The following SRR variants were observed in gnomAD, a reference collection of about 807,000 sequenced individuals.
The protein encoded by SRR is D-serine ammonia-lyase.
In SRR, 19 loss-of-function variants were observed where a neutral mutation model predicts 32.7. The ratio of observed to expected loss-of-function variants is 0.58; its 90% CI spans 0.40 to 0.85. The LOEUF (loss-of-function observed/expected upper bound fraction) is 0.85. Among genes scored for constraint, SRR ranks in the 40% least tolerant of loss-of-function variants. The pLI is 0.00. For missense variants in SRR, 373 were observed against 404.7 expected (o/e 0.92, Z 0.67); for synonymous variants, 142 against 140.9 (o/e 1.01, Z -0.06).
chr17:2,312,475 G>T (rs892088974), intron 1 of SRR, among the ~76,000 whole-genome samples: 2 of 152,040 alleles, frequency 1.3e-5, no homozygotes, highest in African/African-American at 4.8e-5. Context: ...CACACCGGTA[G>T]TCCCAGCTAC....
At chr17:2,312,563 C>T (rs1597261132) in intron 1 of SRR, among the ~76,000 whole-genome samples, 1 of 152,268 alleles carries the variant, frequency 6.6e-6, no homozygotes, top group East Asian at 1.9e-4. Context: ...CCACTGCACT[C>T]CAGCCTGGGC....
At chr17:2,316,015 A>G (rs2075469913) in intron 2 of SRR, among the ~76,000 whole-genome samples, 1 of 152,108 alleles carries the variant, frequency 6.6e-6, no homozygotes, top group Admixed American at 6.6e-5. Flanking sequence ...ATATACATAA[A>G]ATACAGTCAT....
intron 1 of SRR, among the ~76,000 whole-genome samples, chr17:2,308,270 A>G (rs1302061777): frequency 2.6e-5 from 4 of 152,212 alleles, no homozygotes; most frequent in Non-Finnish European, 5.9e-5. Context: ...CAACAAATAT[A>G]GAAGACAATT....
At chr17:2,304,845 T>C (rs948447971) in intron 1 of SRR, among the ~76,000 whole-genome samples, 1 of 152,186 alleles carries the variant, frequency 6.6e-6, no homozygotes, top group South Asian at 2.1e-4. Context: ...CAGGTTGACT[T>C]TTTAATTTCC....
At chr17:2,323,421 G>T (rs1032566917) in intron 7 of SRR, 76 bp downstream of exon 7, 72 of 1,546,146 alleles carry the variant, frequency 4.7e-5, no homozygotes, top group Non-Finnish European at 6.3e-5. Context: ...CTTAGGAGTA[G>T]CAAGTGACCC....
At chr17:2,309,077 C>G (rs1290400079) in intron 1 of SRR, among the ~76,000 whole-genome samples, 1 of 152,154 alleles carries the variant, frequency 6.6e-6, no homozygotes, top group African/African-American at 2.4e-5. Context: ...GAGATTGCCC[C>G]ATTGCACTCC....
intron 1 of SRR, among the ~76,000 whole-genome samples, chr17:2,309,129 T>C (rs1042566143): frequency 2.0e-5 from 3 of 151,978 alleles, no homozygotes; most frequent in African/African-American, 7.2e-5. Context: ...AAAATAATAA[T>C]AATAATAATA....
upstream of SRR, chr17:2,303,441 C>G: frequency 2.3e-6 from 3 of 1,298,668 alleles, no homozygotes; most frequent in Non-Finnish European, 2.9e-6. Context: ...CTGGCCAGGA[C>G]TGGCCGAGCC....
At chr17:2,315,798 G>A in intron 2 of SRR, 70 bp downstream of exon 2, 2 of 1,438,958 alleles carry the variant, frequency 1.4e-6, no homozygotes, top group South Asian at 1.2e-5. Context: ...TGATTCTCCT[G>A]ACCACCCAAT....
At chr17:2,310,516 TAATTGACATTTATTCATAAA>T (rs1240922303) in intron 1 of SRR, among the ~76,000 whole-genome samples, 11 of 152,056 alleles carry the variant, frequency 7.2e-5, no homozygotes, top group African/African-American at 1.9e-4. Flanking sequence ...CAAGGGGGCA[TAATTGACATTTATTCATAAA>T]AATATTGAGA....
intron 1 of SRR, among the ~76,000 whole-genome samples, chr17:2,308,594 C>G (rs1395705327): frequency 1.3e-5 from 2 of 152,170 alleles, no homozygotes; most frequent in African/African-American, 4.8e-5. Flanking sequence ...CACGGTGGCT[C>G]ACACCTGTAA....
intron 3 of SRR, 149 bp downstream of exon 3, chr17:2,318,145 T>C (rs2075493026): frequency 3.1e-6 from 3 of 976,298 alleles, no homozygotes; most frequent in Non-Finnish European, 1.4e-6. Flanking sequence ...AGTTTTTTTT[T>C]TGTTTGTTTT....
chr17:2,307,124 G>A, intron 1 of SRR: 1 of 1,159,074 alleles, frequency 8.6e-7, no homozygotes, highest in South Asian at 1.2e-5. Flanking sequence ...TATCACCTAA[G>A]TGATTATTTT....
intron 1 of SRR, among the ~76,000 whole-genome samples, chr17:2,304,550 G>T (rs1234808069): frequency 6.6e-6 from 1 of 151,494 alleles, no homozygotes; most frequent in Non-Finnish European, 1.5e-5. Flanking sequence ...GCCGCCCCCT[G>T]ACTTTTAAAA....
chr17:2,321,237 T>C (rs2075525500), intron 4 of SRR, 69 bp from the exon 5 acceptor site: 15 of 1,578,488 alleles, frequency 9.5e-6, no homozygotes, highest in Non-Finnish European at 1.2e-5. Context: ...AAATGCTGAA[T>C]GACCAAATGG....
In SRR at chr17:2,323,835, G is replaced by T. The variant is rs1658312719; in HGVS notation, c.985G>T (p.Ala329Ser). 6.2e-7 allele frequency: 1 copy of T among 1,614,044 alleles called. No individual in the cohort carries two copies. ...CTCCTCCATAACTTGGGTGAAGCAG[G>T]CTGAAAGGCCAGCTTCTTATCAGTC... ...LTSSITWVKQ[A>S]ERPASYQSVS... Residue 329 changes from alanine to serine, a missense_variant, in exon 8 of 8, where the codon GCT becomes TCT. Transcript: ENST00000344595.
chr17:2,315,054 C>T (rs908667517), intron 1 of SRR, among the ~76,000 whole-genome samples: 1 of 151,356 alleles, frequency 6.6e-6, no homozygotes, highest in African/African-American at 2.4e-5. Flanking sequence ...CCAGCCTGGA[C>T]AACATGGTGA....
chr17:2,307,319 T>G, intron 1 of SRR: 1 of 1,060,360 alleles, frequency 9.4e-7, no homozygotes, highest in Non-Finnish European at 1.4e-6. Context: ...CAAGAGATGG[T>G]GAGTGCTTCA....
chr17:2,317,299 CAAA>C (rs2075483026), intron 2 of SRR, among the ~76,000 whole-genome samples: 1 of 149,992 alleles, frequency 6.7e-6, no homozygotes, highest in African/African-American at 2.5e-5. Context: ...ATAACGAGGT[CAAA>C]AGATCGAGAC....
Sources: gnomAD v4.1 joint callset for allele counts (sites outside exome capture counted in the v4.1 genomes callset) on GRCh38, gnomAD v4.1.1 for gene constraint, MANE v1.5 for transcripts, NCBI Gene and HGNC (gene_info 2026-07-23, HGNC 2026-07-21) for gene names.